The following CARD8 variants were observed in gnomAD, a reference collection of about 807,000 sequenced individuals.
The protein encoded by CARD8 is caspase recruitment domain-containing protein 8.
A neutral mutation model predicts 53.2 loss-of-function variants in CARD8; 38 were observed. The ratio of observed to expected loss-of-function variants is 0.71; its 90% CI spans 0.55 to 0.94. The LOEUF (loss-of-function observed/expected upper bound fraction) is 0.94. Ranked by LOEUF, CARD8 falls within the 40% of genes least tolerant of loss-of-function variation. The probability of loss-of-function intolerance (pLI) is 0.00; values close to 1 mark genes in which losing one functional copy is unlikely to be tolerated. For missense variants in CARD8, 561 were observed against 655.5 expected, an observed-to-expected ratio of 0.86 and a Z score of 1.57; for synonymous variants, 245 against 244.9, an observed-to-expected ratio of 1.00 and a Z score of 0.00.
intron 10 of CARD8, 61 bp from the exon 11 acceptor site, chr19:48,221,916 TAA>T (rs776290879): frequency 6.9e-7 from 1 of 1,442,570 alleles, no homozygotes; most frequent in South Asian, 1.4e-5. Flanking sequence ...AGTAGTGGCA[TAA>T]AAAGTTATTT....
downstream of CARD8, among the ~76,000 whole-genome samples, chr19:48,207,736 T>TTTTTTTTTTTTTTG (rs1568595560): frequency 3.3e-5 from 3 of 90,620 alleles, no homozygotes; most frequent in African/African-American, 1.1e-4. Context: ...GTTTTTCTGT[T>TTTTTTTTTTTTTTG]TTTTTTTTTT....
rs1024589650 is a variant in CARD8, at chr19:48,211,906, T to C, written c.1418A>G (p.Asp473Gly). The change falls in exon 14 of 14, where the codon GAT becomes GGT. Residue 473 changes from aspartate to glycine, a missense_variant. By Grantham distance (94) the Asp-to-Gly change is moderately conservative (BLOSUM62 -1). Transcript: ENST00000651546. ...AAGAACCTCATTGTCTTGGAGATCA[T>C]CGAGCACCCCTTTCAGGTCCCCCAT... ...ARMGDLKGVL[D>G]DLQDNEVLTE... The C allele has an allele frequency of 1.9e-6, 3 of 1,613,960 alleles. No homozygotes were observed. Among genetic ancestry groups the C allele is most frequent in the Non-Finnish European group, 2.5e-6 (3 of 1,179,986 alleles).
At chr19:48,249,306 C>T (rs2046627163) in intron 3 of CARD8, among the ~76,000 whole-genome samples, 1 of 151,852 alleles carries the variant, frequency 6.6e-6, no homozygotes, top group Non-Finnish European at 1.5e-5. Flanking sequence ...ATTTAAAATA[C>T]AAACCAAATA....
At chr19:48,251,628 T>C (rs576185031) in intron 1 of CARD8, among the ~76,000 whole-genome samples, 19 of 152,350 alleles carry the variant, frequency 1.2e-4, no homozygotes, top group African/African-American at 4.1e-4. Context: ...TCTGTTAAAT[T>C]GCACTGCTCT....
intron 3 of CARD8, among the ~76,000 whole-genome samples, chr19:48,248,177 G>A (rs945525727): frequency 4.6e-5 from 7 of 151,974 alleles, no homozygotes; most frequent in Non-Finnish European, 7.4e-5. Flanking sequence ...AGTATTTTAT[G>A]TGACATTGGA....
At chr19:48,246,538 CGATA>C (rs749210620) in intron 3 of CARD8, among the ~76,000 whole-genome samples, 1 of 151,734 alleles carries the variant, frequency 6.6e-6, no homozygotes, top group African/African-American at 2.4e-5. Context: ...ATTTACTTCT[CGATA>C]GATAGACTGA....
intron 10 of CARD8, among the ~76,000 whole-genome samples, chr19:48,229,037 G>A (rs1246968506): frequency 2.6e-5 from 4 of 152,172 alleles, no homozygotes; most frequent in Admixed American, 2.6e-4. Context: ...TACTCGGGAG[G>A]CTGAGGCAGG....
downstream of CARD8, among the ~76,000 whole-genome samples, chr19:48,207,039 G>A (rs1323866299): frequency 6.6e-6 from 1 of 151,748 alleles, no homozygotes; most frequent in Non-Finnish European, 1.5e-5. Flanking sequence ...GTGGTGGTGG[G>A]CACCTGTAAT....
downstream of CARD8, among the ~76,000 whole-genome samples, chr19:48,205,391 G>A (rs531307735): frequency 4.6e-5 from 7 of 152,016 alleles, no homozygotes; most frequent in East Asian, 3.9e-4. Flanking sequence ...CACCACGCCC[G>A]GCTAATTTTT....
At chr19:48,242,524 T>G (rs1338605106) in intron 3 of CARD8, 1 of 152,246 alleles carries the variant, frequency 6.6e-6, no homozygotes, top group Non-Finnish European at 1.5e-5. Context: ...ATCCATATTA[T>G]ACCGCATAAC....
upstream of CARD8, chr19:48,255,929 A>C (rs1234362515): frequency 6.6e-6 from 1 of 152,214 alleles, no homozygotes; most frequent in Non-Finnish European, 1.5e-5. Context: ...GCTTTCTGAG[A>C]ACTGAGGGAA....
chr19:48,217,162 A>G (rs894586842), intron 12 of CARD8, among the ~76,000 whole-genome samples: 1 of 152,112 alleles, frequency 6.6e-6, no homozygotes, highest in Non-Finnish European at 1.5e-5. Context: ...AGCAGCTGTA[A>G]ACACAGATGA....
rs1403256659 is a variant in CARD8, at chr19:48,208,955, G to T, written c.*2755C>A. 1 of 120,752 alleles carries T rather than the reference G, an allele frequency of 8.3e-6. No homozygotes were observed. The highest frequency in any genetic ancestry group is 2.8e-4 in the South Asian group (1 of 3,516). The allele number at this position is 120,752 out of a possible 1,614,324, so 7.5% of individuals were successfully genotyped here. On this transcript the variant is annotated 3_prime_UTR_variant, in exon 14 of 14. Coordinates refer to ENST00000651546, the MANE Select transcript of CARD8 (RefSeq NM_001184900.3). The stretch of plus-strand genomic sequence containing the variant: ...GCTGAGATCACACCACTGCACTCCA[G>T]CCTAGATGACAGAGCGAGACTCCAT...
chr19:48,231,935 A>G (rs1288819822), intron 7 of CARD8, 125 bp from the exon 8 acceptor site: 1 of 826,208 alleles, frequency 1.2e-6, no homozygotes, highest in Non-Finnish European at 2.1e-6. Context: ...GCTGAGAGTG[A>G]CCAGAATATG....
chr19:48,247,266 G>A (rs759851105), intron 3 of CARD8, among the ~76,000 whole-genome samples: 3 of 152,202 alleles, frequency 2.0e-5, no homozygotes, highest in Non-Finnish European at 2.9e-5. Flanking sequence ...ATAGGTTGCA[G>A]TGAGCCAAAA....
intron 1 of CARD8, among the ~76,000 whole-genome samples, chr19:48,252,231 C>T (rs1237941083): frequency 6.6e-6 from 1 of 151,938 alleles, no homozygotes; most frequent in African/African-American, 2.4e-5. Flanking sequence ...AAAAGTCATG[C>T]AGTTATTGAG....
At chr19:48,232,614 G>T in intron 6 of CARD8, 121 bp from the exon 7 acceptor site, 1 of 821,256 alleles carries the variant, frequency 1.2e-6, no homozygotes, top group Non-Finnish European at 2.0e-6. Flanking sequence ...CCGCTACCCG[G>T]ATATGCTATT....
At chr19:48,206,385 G>A (rs181781510), downstream of CARD8, 42 of 455,704 alleles carry the variant, frequency 9.2e-5, no homozygotes, top group Admixed American at 2.8e-4. Flanking sequence ...AGCGCCTACC[G>A]TATTGGATAG....
At chr19:48,232,947 G>A (rs2043182058) in intron 6 of CARD8, 1 of 369,026 alleles carries the variant, frequency 2.7e-6, no homozygotes, top group South Asian at 2.1e-5. Context: ...CAGATTCTCT[G>A]GCTTAAATTG....
Sources: allele counts gnomAD v4.1 joint callset (sites outside exome capture counted in the v4.1 genomes callset), GRCh38; gene constraint gnomAD v4.1.1; transcripts MANE v1.5; gene names NCBI Gene and HGNC (gene_info 2026-07-23, HGNC 2026-07-21).